ADAMTSL1: variants seen among roughly 807,000 people sequenced by gnomAD.
ADAMTSL1 encodes ADAMTS-like protein 1.
ADAMTSL1 carries 126 observed loss-of-function variants against 201.8 expected under a neutral mutation model. The observed-to-expected ratio is 0.62, with a 90% CI of 0.54 to 0.72. ADAMTSL1 has a LOEUF of 0.72. Ranked by LOEUF, ADAMTSL1 falls within the 30% of genes least tolerant of loss-of-function variation. The probability of loss-of-function intolerance (pLI) is 0.00; values close to 1 mark genes in which losing one functional copy is unlikely to be tolerated. For missense variants in ADAMTSL1, 2,679 were observed against 2,277.8 expected (o/e 1.18, Z -3.59); for synonymous variants, 1,121 against 903.4 (o/e 1.24, Z -4.32).
At chr9:18,092,279 T>C (rs1445312554) in intron 1 of ADAMTSL1, among the ~76,000 whole-genome samples, 1 of 152,028 alleles carries the variant, frequency 6.6e-6, no homozygotes, top group Non-Finnish European at 1.5e-5. Context: ...CCCAAGGCTG[T>C]GAGAGCACAG....
chr9:18,378,962 C>T (rs1395624441), intron 2 of ADAMTSL1, among the ~76,000 whole-genome samples: 1 of 152,176 alleles, frequency 6.6e-6, no homozygotes, highest in African/African-American at 2.4e-5. Flanking sequence ...CTGCAGGATA[C>T]TTGGTCATCT....
chr9:18,855,417 G>T (rs929496868), intron 23 of ADAMTSL1, among the ~76,000 whole-genome samples: 1 of 152,264 alleles, frequency 6.6e-6, no homozygotes, highest in South Asian at 2.1e-4. Flanking sequence ...AAAGGATTTT[G>T]CTGACCATCT....
chr9:18,578,719 T>C (rs1281669832), intron 4 of ADAMTSL1, among the ~76,000 whole-genome samples: 1 of 152,030 alleles, frequency 6.6e-6, no homozygotes, highest in Non-Finnish European at 1.5e-5. Flanking sequence ...AGCAGCATGA[T>C]TTATAGTCAT....
chr9:18,133,802 G>A (rs924654316), intron 1 of ADAMTSL1, among the ~76,000 whole-genome samples: 10 of 152,070 alleles, frequency 6.6e-5, no homozygotes, highest in Non-Finnish European at 1.3e-4. Flanking sequence ...GGTAGGTAGG[G>A]TAAGAATTAC....
chr9:18,300,997 A>T (rs990358691), intron 2 of ADAMTSL1, among the ~76,000 whole-genome samples: 1 of 152,252 alleles, frequency 6.6e-6, no homozygotes, highest in Non-Finnish European at 1.5e-5. Context: ...CAATTATTTC[A>T]GTGGGAGTGG....
intron 2 of ADAMTSL1, among the ~76,000 whole-genome samples, chr9:18,361,738 C>A (rs561730031): frequency 4.1e-4 from 63 of 152,174 alleles, no homozygotes; most frequent in African/African-American, 1.4e-3. Context: ...TTTTTGTGAG[C>A]AAATAAAAAT....
intron 7 of ADAMTSL1, among the ~76,000 whole-genome samples, chr9:18,650,124 G>C (rs573965313): frequency 1.3e-5 from 2 of 152,166 alleles, no homozygotes; most frequent in Non-Finnish European, 2.9e-5. Context: ...CCTCGCTGCC[G>C]CCTTGCAGTT....
At chr9:18,028,741 C>T (rs546141990) in intron 1 of ADAMTSL1, among the ~76,000 whole-genome samples, 66 of 152,152 alleles carry the variant, frequency 4.3e-4, no homozygotes, top group Non-Finnish European at 7.1e-4. Flanking sequence ...CTTGGCAATG[C>T]GGGCTCTTTT....
intron 4 of ADAMTSL1, among the ~76,000 whole-genome samples, chr9:18,587,623 T>C (rs1823594124): frequency 6.6e-6 from 1 of 152,162 alleles, no homozygotes; most frequent in Non-Finnish European, 1.5e-5. Flanking sequence ...AACCAACTTC[T>C]CTTTATTGTT....
intron 3 of ADAMTSL1, among the ~76,000 whole-genome samples, chr9:18,545,478 A>G (rs1355976697): frequency 6.6e-6 from 1 of 152,182 alleles, no homozygotes; most frequent in Non-Finnish European, 1.5e-5. Flanking sequence ...TTAAGAAAAG[A>G]GATATTCAAA....
chr9:18,185,748 T>A (rs1393487510), intron 2 of ADAMTSL1, among the ~76,000 whole-genome samples: 3 of 152,138 alleles, frequency 2.0e-5, no homozygotes, highest in African/African-American at 7.2e-5. Flanking sequence ...TTTGAAAGCA[T>A]AATTGAGTAA....
intron 15 of ADAMTSL1, among the ~76,000 whole-genome samples, chr9:18,733,061 T>G (rs1185449399): frequency 4.6e-5 from 7 of 152,212 alleles, no homozygotes; most frequent in Admixed American, 4.6e-4. Flanking sequence ...CCAAAGCAGT[T>G]ACTGAGAACC....
At chr9:18,627,866 C>T (rs777520062) in intron 5 of ADAMTSL1, among the ~76,000 whole-genome samples, 3 of 152,174 alleles carry the variant, frequency 2.0e-5, no homozygotes, top group Non-Finnish European at 2.9e-5. Flanking sequence ...ATACATTAGT[C>T]TACTTACCAC....
chr9:18,334,533 TA>T (rs1262124222), intron 2 of ADAMTSL1, among the ~76,000 whole-genome samples: 5 of 152,326 alleles, frequency 3.3e-5, no homozygotes, highest in African/African-American at 1.2e-4. Context: ...ATTGTAAATT[TA>T]AAACTCTTAG....
intron 3 of ADAMTSL1, among the ~76,000 whole-genome samples, chr9:18,563,018 C>G (rs756675715): frequency 1.3e-5 from 2 of 152,228 alleles, no homozygotes. Context: ...CTACTTCTGT[C>G]AATACATCAA....
intron 1 of ADAMTSL1, among the ~76,000 whole-genome samples, chr9:18,026,373 C>T (rs567520332): frequency 9.6e-4 from 146 of 151,968 alleles, no homozygotes; most frequent in African/African-American, 3.3e-3. Flanking sequence ...TATTTTGAAG[C>T]ATTTTCCTTC....
intron 2 of ADAMTSL1, among the ~76,000 whole-genome samples, chr9:18,210,531 T>G (rs1829831200): frequency 1.4e-5 from 2 of 138,324 alleles, no homozygotes; most frequent in South Asian, 4.3e-4. Context: ...ATATATATAT[T>G]AATTAATATT....
intron 1 of ADAMTSL1, among the ~76,000 whole-genome samples, chr9:18,108,017 A>G (rs1209112135): frequency 1.3e-5 from 2 of 152,158 alleles, no homozygotes; most frequent in Non-Finnish European, 2.9e-5. Flanking sequence ...AAGTGGCTTT[A>G]TAATTAATGA....
intron 2 of ADAMTSL1, among the ~76,000 whole-genome samples, chr9:18,411,261 A>G (rs1403722077): frequency 6.6e-6 from 1 of 151,472 alleles, no homozygotes; most frequent in Non-Finnish European, 1.5e-5. Flanking sequence ...CAATGGTGCA[A>G]TCTCGACTCA....
Sources: gnomAD v4.1 joint callset for allele counts (sites outside exome capture counted in the v4.1 genomes callset) on GRCh38, gnomAD v4.1.1 for gene constraint, MANE v1.5 for transcripts, NCBI Gene and HGNC (gene_info 2026-07-23, HGNC 2026-07-21) for gene names.